Variants in MED1 observed in about 807,000 individuals in gnomAD.
The protein encoded by MED1 is mediator complex subunit 1.
In MED1, 17 loss-of-function variants were observed where a neutral mutation model predicts 121.3. That is an observed-to-expected ratio of 0.14 (90% CI 0.10 to 0.21). The LOEUF (loss-of-function observed/expected upper bound fraction) is 0.21. Among genes scored for constraint, MED1 ranks in the 10% least tolerant of loss-of-function variants. The pLI is 1.00. For missense variants in MED1, 1,558 were observed against 1,919.4 expected (o/e 0.81, Z 3.52); for synonymous variants, 661 against 694.4 (o/e 0.95, Z 0.76).
intron 16 of MED1, among the ~76,000 whole-genome samples, chr17:39,414,126 G>T (rs1217034288): frequency 6.6e-6 from 1 of 150,970 alleles, no homozygotes; most frequent in Non-Finnish European, 1.5e-5. Context: ...ACTCAGGAGG[G>T]TGAGGCAGGA....
At chr17:39,434,786 C>T (rs1043909532) in intron 6 of MED1, among the ~76,000 whole-genome samples, 6 of 152,296 alleles carry the variant, frequency 3.9e-5, no homozygotes, top group Non-Finnish European at 7.3e-5. Flanking sequence ...TGCACCACCA[C>T]ACCCAGCTCC....
chr17:39,429,994 G>A (rs1163692433), intron 9 of MED1, among the ~76,000 whole-genome samples: 4 of 151,858 alleles, frequency 2.6e-5, no homozygotes, highest in African/African-American at 7.3e-5. Context: ...GAGTTAGGGG[G>A]ATTATTTGGG....
chr17:39,430,277 C>T (rs1261008911), intron 9 of MED1, among the ~76,000 whole-genome samples: 1 of 151,786 alleles, frequency 6.6e-6, no homozygotes, highest in Non-Finnish European at 1.5e-5. Flanking sequence ...CCCAGCTACT[C>T]GGGAGGCTGA....
chr17:39,426,078 A>G (rs1053103482), intron 10 of MED1, among the ~76,000 whole-genome samples: 5 of 151,916 alleles, frequency 3.3e-5, no homozygotes, highest in Non-Finnish European at 5.9e-5. Flanking sequence ...GGCTGTAGTG[A>G]GCTGTGATCA....
intron 11 of MED1, 130 bp downstream of exon 11, chr17:39,424,497 A>C: frequency 3.2e-6 from 2 of 618,628 alleles, no homozygotes; most frequent in Non-Finnish European, 2.8e-6. Flanking sequence ...CAAAAGAGAA[A>C]CCAATGAATG....
chr17:39,425,381 T>C (rs1229526595), intron 10 of MED1, among the ~76,000 whole-genome samples: 1 of 152,048 alleles, frequency 6.6e-6, no homozygotes, highest in Admixed American at 6.6e-5. Context: ...TTTGTAGAGA[T>C]GGGGGTTTCA....
chr17:39,430,120 C>G (rs1040362295), intron 9 of MED1, among the ~76,000 whole-genome samples: 4 of 151,768 alleles, frequency 2.6e-5, no homozygotes, highest in Non-Finnish European at 5.9e-5. Flanking sequence ...GTGGCTAATA[C>G]CTGTTTGTAA....
At chr17:39,433,237 C>T (rs1038857788) in intron 7 of MED1, among the ~76,000 whole-genome samples, 8 of 150,842 alleles carry the variant, frequency 5.3e-5, no homozygotes, top group Admixed American at 4.0e-4. Context: ...GGCGTGGTGG[C>T]GCATAGCCGT....
intron 7 of MED1, among the ~76,000 whole-genome samples, chr17:39,433,212 T>A (rs1256671429): frequency 2.0e-5 from 3 of 149,762 alleles, no homozygotes; most frequent in Non-Finnish European, 4.4e-5. Flanking sequence ...CAAAAAAAAT[T>A]ATAATAATTA....
intron 3 of MED1, among the ~76,000 whole-genome samples, chr17:39,442,492 G>A (rs1356222563): frequency 2.0e-5 from 3 of 151,402 alleles, no homozygotes; most frequent in Non-Finnish European, 2.9e-5. Flanking sequence ...AGCTGCTTGG[G>A]AGGCTGAGCC....
In MED1 at chr17:39,440,978, G is replaced by A. The variant is rs2048669501; in HGVS notation, c.212-301C>T. On this transcript the variant is annotated intron_variant, in intron 3 of 16. Coordinates refer to ENST00000300651, the MANE Select transcript of MED1 (RefSeq NM_004774.4). The surrounding 1 kb of genome is among the most constrained non-coding windows in gnomAD (Gnocchi z 4.1). ...ATTTATCTGCTAATGATAGAATAAG[G>A]AAGATTAACATTAAAACTAACATTA... Among the ~76,000 whole-genome samples the A allele has an allele frequency of 6.6e-6, 1 of 151,788 alleles. No homozygotes were observed. The highest frequency in any genetic ancestry group is 1.9e-4 in the East Asian group (1 of 5,190).
chr17:39,410,805 G>A (rs2048348709), intron 16 of MED1, 84 bp from the exon 17 acceptor site: 1 of 1,501,894 alleles, frequency 6.7e-7, no homozygotes, highest in African/African-American at 1.4e-5. Context: ...TCAGAGTTTT[G>A]CAGTAAGCAG....
chr17:39,405,018 G>T lies in MED1; in HGVS notation c.*2457C>A. On this transcript the variant is annotated 3_prime_UTR_variant, in exon 17 of 17. Coordinates refer to ENST00000300651, the MANE Select transcript of MED1 (RefSeq NM_004774.4). Reference sequence around the variant, plus strand: ...ATCAGGTCAAACTGAGAATACATAAGACACCAGCAGCAGAAGATAGGTAGA... The same window carrying T: ...ATCAGGTCAAACTGAGAATACATAATACACCAGCAGCAGAAGATAGGTAGA... 1.8e-6 allele frequency: 1 copy of T among 542,550 alleles called. No individual in the cohort carries two copies. Among genetic ancestry groups the T allele is most frequent in the Non-Finnish European group, 3.1e-6 (1 of 319,664 alleles). The allele number at this position is 542,550 out of a possible 1,614,324, so 33.6% of individuals were successfully genotyped here. A position where few individuals can be genotyped will look rare whatever the true frequency, so the allele number is the denominator to read the frequency against.
At chr17:39,416,116 C>G (rs535726541) in intron 14 of MED1, among the ~76,000 whole-genome samples, 80 of 152,252 alleles carry the variant, frequency 5.3e-4, no homozygotes, top group Admixed American at 1.0e-3. Flanking sequence ...ATGTCATCCA[C>G]AGATGACAGA....
chr17:39,438,556 T>C (rs1397489810), intron 6 of MED1, among the ~76,000 whole-genome samples: 2 of 151,916 alleles, frequency 1.3e-5, no homozygotes, highest in African/African-American at 4.8e-5. Context: ...TTTCACCGTG[T>C]TAGCCAGGAT....
At chr17:39,435,384 C>T (rs1202075013) in intron 6 of MED1, among the ~76,000 whole-genome samples, 1 of 151,998 alleles carries the variant, frequency 6.6e-6, no homozygotes, top group African/African-American at 2.4e-5. Flanking sequence ...TTTCTAGGAC[C>T]CAATATTCAG....
intron 14 of MED1, among the ~76,000 whole-genome samples, chr17:39,417,455 C>T (rs891995391): frequency 1.3e-5 from 2 of 151,846 alleles, no homozygotes; most frequent in Non-Finnish European, 2.9e-5. Context: ...GGTGACACCC[C>T]GTTTCTACTA....
intron 8 of MED1, 101 bp from the exon 9 acceptor site, chr17:39,431,289 T>G: frequency 9.9e-7 from 1 of 1,012,160 alleles, no homozygotes; most frequent in South Asian, 1.5e-5. Context: ...GTCTTTTTTT[T>G]TTTTTGAGAC....
chr17:39,430,988 C>G, intron 9 of MED1, 127 bp downstream of exon 9: 1 of 833,970 alleles, frequency 1.2e-6, no homozygotes, highest in Non-Finnish European at 1.9e-6. Context: ...CACTGCACTC[C>G]AGCCTGGGCA....
Sources: allele counts gnomAD v4.1 joint callset (sites outside exome capture counted in the v4.1 genomes callset), GRCh38; gene constraint gnomAD v4.1.1; non-coding constraint Gnocchi (gnomAD v3.1); transcripts MANE v1.5; gene names NCBI Gene and HGNC (gene_info 2026-07-23, HGNC 2026-07-21).